Variants in EDIL3 observed in about 807,000 individuals in gnomAD.
EDIL3 encodes the protein EGF-like repeat and discoidin I-like domain-containing protein 3.
Under a neutral mutation model 67.4 loss-of-function variants are expected in EDIL3, and 37 were observed. The observed-to-expected ratio is 0.55, with a 90% confidence interval of 0.42 to 0.72. The LOEUF (loss-of-function observed/expected upper bound fraction) is 0.72. Ranked by LOEUF, EDIL3 falls within the 30% of genes least tolerant of loss-of-function variation. The pLI is 0.00. For missense variants in EDIL3, 527 were observed against 586.3 expected (o/e 0.90, Z 1.04); for synonymous variants, 195 against 196.3 (o/e 0.99, Z 0.05).
At chr5:84,078,767 G>A (rs921238174) in intron 6 of EDIL3, 2 of 152,136 alleles carry the variant, frequency 1.3e-5, no homozygotes, top group Admixed American at 6.5e-5. Flanking sequence ...ACTTAAGTAT[G>A]GCCATATTAT....
At chr5:84,011,228 A>G (rs1745511472) in intron 9 of EDIL3, among the ~76,000 whole-genome samples, 1 of 152,150 alleles carries the variant, frequency 6.6e-6, no homozygotes, top group Non-Finnish European at 1.5e-5. Context: ...ACAGGATCCT[A>G]GACCTGCTCT....
intron 1 of EDIL3, among the ~76,000 whole-genome samples, chr5:84,275,449 A>G (rs997026969): frequency 6.6e-6 from 1 of 152,242 alleles, no homozygotes; most frequent in African/African-American, 2.4e-5. Flanking sequence ...TTTTAGCAGC[A>G]CAAGAAGGAA....
At chr5:84,162,584 C>T (rs532549266) in intron 4 of EDIL3, among the ~76,000 whole-genome samples, 27 of 151,998 alleles carry the variant, frequency 1.8e-4, no homozygotes, top group Non-Finnish European at 3.8e-4. Flanking sequence ...AATTCTTTAC[C>T]TCTAGCTGCC....
chr5:84,136,206 C>A (rs185608866), intron 5 of EDIL3, among the ~76,000 whole-genome samples: 2 of 152,250 alleles, frequency 1.3e-5, no homozygotes, highest in Non-Finnish European at 2.9e-5. Context: ...GCTTCTCTCA[C>A]TAAATAGCTG....
chr5:83,980,108 A>G (rs1744943811), intron 9 of EDIL3, among the ~76,000 whole-genome samples: 1 of 152,114 alleles, frequency 6.6e-6, no homozygotes. Flanking sequence ...CTCAGCACCT[A>G]TGTTTTCTGG....
intron 1 of EDIL3, among the ~76,000 whole-genome samples, chr5:84,354,695 T>A (rs975790765): frequency 1.3e-5 from 2 of 151,820 alleles, no homozygotes; most frequent in African/African-American, 4.8e-5. Context: ...ATTAACTTTA[T>A]AATTTTTTGT....
At chr5:84,096,782 T>A (rs1377238548) in intron 6 of EDIL3, among the ~76,000 whole-genome samples, 4 of 152,188 alleles carry the variant, frequency 2.6e-5, no homozygotes, top group Non-Finnish European at 5.9e-5. Context: ...CCCATCCAAA[T>A]CTCATCTTGT....
intron 3 of EDIL3, among the ~76,000 whole-genome samples, chr5:84,224,282 T>A (rs1285344576): frequency 6.6e-6 from 1 of 151,516 alleles, no homozygotes; most frequent in Admixed American, 6.6e-5. Flanking sequence ...GATTTCCTTG[T>A]GATAAATGAA....
chr5:84,120,313 C>T (rs1286524204), intron 5 of EDIL3, among the ~76,000 whole-genome samples: 1 of 151,938 alleles, frequency 6.6e-6, no homozygotes, highest in East Asian at 1.9e-4. Context: ...CTCTAAAGAG[C>T]TGAGTGATTA....
At chr5:84,084,668 G>A (rs1718035122) in intron 6 of EDIL3, among the ~76,000 whole-genome samples, 1 of 152,090 alleles carries the variant, frequency 6.6e-6, no homozygotes, top group African/African-American at 2.4e-5. Flanking sequence ...TGTCTACAGA[G>A]TCCAAACACT....
intron 5 of EDIL3, among the ~76,000 whole-genome samples, chr5:84,131,811 ATAAT>A (rs1747971189): frequency 6.6e-6 from 1 of 152,208 alleles, no homozygotes. Context: ...TTAAAAAGCA[ATAAT>A]TAAATATTGA....
At chr5:84,187,860 C>T in intron 3 of EDIL3, among the ~76,000 whole-genome samples, 2 of 151,874 alleles carry the variant, frequency 1.3e-5, no homozygotes, top group East Asian at 3.9e-4. Flanking sequence ...CTCCTTTGTA[C>T]TCCTCCTCCT....
chr5:84,088,341 A>G (rs1039781315), intron 6 of EDIL3, among the ~76,000 whole-genome samples: 1 of 152,194 alleles, frequency 6.6e-6, no homozygotes, highest in Non-Finnish European at 1.5e-5. Flanking sequence ...AAAGAAGCTA[A>G]GATACATTGG....
intron 5 of EDIL3, among the ~76,000 whole-genome samples, chr5:84,112,647 T>C (rs2301098): frequency 0.083 from 12,658 of 152,220 alleles, 603 homozygotes; most frequent in Middle Eastern, 0.13. Flanking sequence ...AGGATTGAGA[T>C]GTAAAAATCT....
At chr5:84,350,326 C>T (rs1731853452) in intron 1 of EDIL3, among the ~76,000 whole-genome samples, 1 of 151,918 alleles carries the variant, frequency 6.6e-6, no homozygotes, top group Non-Finnish European at 1.5e-5. Context: ...GCAGAGGCTA[C>T]TTCATACAAT....
chr5:84,070,358 T>C (rs1403700118), intron 6 of EDIL3, among the ~76,000 whole-genome samples: 1 of 152,150 alleles, frequency 6.6e-6, no homozygotes, highest in Non-Finnish European at 1.5e-5. Context: ...CTTCAGGAAC[T>C]GTAAACGTTT....
At chr5:84,249,634 A>T (rs1744984054) in intron 2 of EDIL3, among the ~76,000 whole-genome samples, 3 of 152,152 alleles carry the variant, frequency 2.0e-5, no homozygotes, top group Admixed American at 2.0e-4. Context: ...AAAAAAAGTC[A>T]CTTATTTTTT....
chr5:84,274,932 T>A (rs1044091489), intron 1 of EDIL3, among the ~76,000 whole-genome samples: 6 of 152,174 alleles, frequency 3.9e-5, no homozygotes. Context: ...ACTGCCAGTC[T>A]CGCAAAATAA....
At chr5:84,341,428 G>A (rs898844637) in intron 1 of EDIL3, among the ~76,000 whole-genome samples, 8 of 151,954 alleles carry the variant, frequency 5.3e-5, no homozygotes, top group African/African-American at 1.9e-4. Context: ...AAATTTACAA[G>A]AATCAAAACA....
Sources: allele counts gnomAD v4.1 joint callset (sites outside exome capture counted in the v4.1 genomes callset), GRCh38; gene constraint gnomAD v4.1.1; transcripts MANE v1.5; gene names NCBI Gene and HGNC (gene_info 2026-07-23, HGNC 2026-07-21).